Variants in GART observed in about 807,000 individuals in gnomAD.
GART encodes the protein phosphoribosylglycinamide formyltransferase, phosphoribosylglycinamide synthetase, phosphoribosylaminoimidazole synthetase, also known as trifunctional purine biosynthetic protein adenosine-3.
GART carries 43 observed loss-of-function variants against 107.2 expected under a neutral mutation model. The observed-to-expected ratio is 0.40, with a 90% CI of 0.31 to 0.52. GART has a LOEUF of 0.52. Ranked by LOEUF, GART falls within the 20% of genes least tolerant of loss-of-function variation. The pLI is 0.52. For missense variants in GART, 1,107 were observed against 1,206.5 expected (o/e 0.92, Z 1.22); for synonymous variants, 434 against 427.0 (o/e 1.02, Z -0.20).
chr21:33,539,154 C>T lies in GART; in HGVS notation c.145+17G>A, dbSNP rs750037595. The stretch of plus-strand genomic sequence containing the variant: ...AACAAATAATAACTATTACTCCCCA[C>T]TTTAAAACATGATTACCGGTATTTG... On this transcript the variant is annotated intron_variant, in intron 2 of 21. Transcript: ENST00000381815. 12 of 1,607,854 alleles carry T rather than the reference C, an allele frequency of 7.5e-6. No homozygotes were observed. Among genetic ancestry groups the T allele is most frequent in the Admixed American group, 5.1e-5 (3 of 58,478 alleles).
Position 33,532,372 on chromosome 21 carries a change from G to A in GART, c.501C>T (p.Ala167=). ...GCATGATCTCTTGTACAGCTTTGCA[G>A]GCCTCTTCTTTGCTCTTTGCAACAA... ...GVIVAKSKEE[A]CKAVQEIMQE... Residue 167 remains alanine (A), a synonymous_variant, in exon 5 of 22, where the codon GCC becomes GCT. Coordinates refer to ENST00000381815, the MANE Select transcript of GART (RefSeq NM_000819.5). The A allele has an allele frequency of 6.2e-7, 1 of 1,613,926 alleles. No individual in the cohort carries two copies. Among genetic ancestry groups the A allele is most frequent in the Non-Finnish European group, 8.5e-7 (1 of 1,179,920 alleles).
intron 11 of GART, among the ~76,000 whole-genome samples, chr21:33,523,277 T>C (rs1200579128): frequency 1.3e-5 from 2 of 152,170 alleles, no homozygotes; most frequent in Non-Finnish European, 2.9e-5. Flanking sequence ...TACAGTTGAG[T>C]GCATTGGCAG....
intron 14 of GART, 74 bp downstream of exon 14, chr21:33,520,290 T>C: frequency 1.5e-6 from 2 of 1,316,144 alleles, no homozygotes; most frequent in Admixed American, 1.7e-5. Context: ...ACATTGGCAC[T>C]GATCACATTT....
rs1246408775 is a variant in GART at position 33,533,474 on chromosome 21, A to AATAAAT, written c.417-1024_417-1019dup. ...AAATAAATAAATAAATAAAAATAAAAATAAATAAATAAATAAATAAAATAA... is the reference window on the plus strand; with the variant it reads ...AAATAAATAAATAAATAAAAATAAAAATAAATATAAATAAATAAATAAATAAAATAA... On this transcript the variant is annotated intron_variant, in intron 4 of 21. Coordinates refer to ENST00000381815, the MANE Select transcript of GART (RefSeq NM_000819.5). Among the ~76,000 whole-genome samples the AATAAAT allele has an allele frequency of 1.7e-4, 26 of 150,074 alleles. No homozygotes were observed. The East Asian group carries it at 4.4e-3, about 26-fold the overall frequency.
chr21:33,538,434 C>T (rs531383541), intron 2 of GART, among the ~76,000 whole-genome samples: 9 of 151,930 alleles, frequency 5.9e-5, no homozygotes, highest in Admixed American at 1.3e-4. Flanking sequence ...GGTCTCACTA[C>T]ATTGCCCTGG....
rs2084952743 is a variant in GART at position 33,520,509 on chromosome 21, C to T, written c.1557G>A (p.Met519Ile). 6.2e-7 allele frequency: 1 copy of T among 1,614,164 alleles called. No individual in the cohort carries two copies. The highest frequency in any genetic ancestry group is 1.7e-5 in the Admixed American group (1 of 60,026). The change falls in exon 14 of 22, where the codon ATG becomes ATA. Residue 519 changes from methionine (M) to isoleucine (I), a missense_variant. By Grantham distance (10) the Met-to-Ile change is conservative (BLOSUM62 1). Coordinates refer to ENST00000381815, the MANE Select transcript of GART (RefSeq NM_000819.5). ...CTTGTGCCAGAATATCATTAACACA[C>T]ATTGCTACCAAATCTTGACCAATGG... Reference protein sequence around the residue: ...HDTIGQDLVAMCVNDILAQGA... With the variant: ...HDTIGQDLVAICVNDILAQGA...
At chr21:33,525,074 C>A (rs1339535062) in intron 10 of GART, 74 bp from the exon 11 acceptor site, 27 of 1,479,036 alleles carry the variant, frequency 1.8e-5, no homozygotes, top group Middle Eastern at 3.6e-4. Flanking sequence ...TTTACGATTT[C>A]CACAAGTTTC....
chr21:33,530,910 T>G, intron 6 of GART, 26 bp from the exon 7 acceptor site: 1 of 1,507,658 alleles, frequency 6.6e-7, no homozygotes, highest in Non-Finnish European at 8.8e-7. Flanking sequence ...AATAGTCCAT[T>G]TATGTTAACT....
At chr21:33,507,694 T>G (rs1293497614) in intron 18 of GART, among the ~76,000 whole-genome samples, 1 of 152,058 alleles carries the variant, frequency 6.6e-6, no homozygotes, top group African/African-American at 2.4e-5. Context: ...TAGCCAGGCA[T>G]AGTGGCAGGT....
chr21:33,519,549 G>GT (rs1217100717), intron 14 of GART, among the ~76,000 whole-genome samples: 155 of 132,652 alleles, frequency 1.2e-3, no homozygotes, highest in African/African-American at 4.1e-3. Context: ...GCAAGACTCT[G>GT]TTTAAAAAAA....
Position 33,530,873 on chromosome 21 carries a change from G to A in GART, c.609C>T (p.Phe203=). The A allele has an allele frequency of 7.9e-6, 12 of 1,521,346 alleles. No individual in the cohort carries two copies. The highest frequency in any genetic ancestry group is 1.0e-5 in the Non-Finnish European group (12 of 1,147,016). The allele number at this position is 1,521,346 out of a possible 1,614,324, so 94.2% of individuals were successfully genotyped here. A position where few individuals can be genotyped will look rare whatever the true frequency, so the allele number is the denominator to read the frequency against. Residue 203 remains phenylalanine, a synonymous_variant, in exon 7 of 22, where the codon TTC becomes TTT. Transcript: ENST00000381815. The part of the protein sequence containing the change: ...LDGEEVSCLC[F]TDGKTVAPMP... ...TGGGGGCCACAGTCTTGCCATCAGTGAAACACAGACACTATAAAGAAAACA... is the reference window on the plus strand; with the variant it reads ...TGGGGGCCACAGTCTTGCCATCAGTAAAACACAGACACTATAAAGAAAACA...
Position 33,504,088 on chromosome 21 carries a change from C to A in GART, c.*36G>T. On this transcript the variant is annotated 3_prime_UTR_variant, in exon 22 of 22. Coordinates refer to ENST00000381815, the MANE Select transcript of GART (RefSeq NM_000819.5). Reference sequence around the variant, plus strand: ...ACCACCATGCAAACAGCAAATAATTCTTTCTAAACTGGCCCCATTTCTGAA... The same window carrying A: ...ACCACCATGCAAACAGCAAATAATTATTTCTAAACTGGCCCCATTTCTGAA... 1.3e-6 allele frequency: 2 copies of A among 1,542,834 alleles called. No individual in the cohort carries two copies. Among genetic ancestry groups the A allele is most frequent in the Non-Finnish European group, 1.7e-6 (2 of 1,143,040 alleles).
chr21:33,517,190 CA>C, intron 15 of GART, 49 bp from the exon 16 acceptor site: 1 of 1,571,766 alleles, frequency 6.4e-7, no homozygotes, highest in Non-Finnish European at 8.6e-7. Context: ...AATAGAAAAC[CA>C]AAACATAAAA....
At chr21:33,507,221 A>C (rs1265273469) in intron 18 of GART, among the ~76,000 whole-genome samples, 1 of 152,240 alleles carries the variant, frequency 6.6e-6, no homozygotes, top group Non-Finnish European at 1.5e-5. Context: ...CAGCCATAAA[A>C]AAGATGAGAT....
At chr21:33,518,952 C>T in intron 14 of GART, 1 of 429,312 alleles carries the variant, frequency 2.3e-6, no homozygotes, top group Non-Finnish European at 4.6e-6. Context: ...TAAAGTGGAT[C>T]TCTGGTCTTC....
At chr21:33,511,024 T>C (rs940324397) in intron 17 of GART, among the ~76,000 whole-genome samples, 10 of 151,974 alleles carry the variant, frequency 6.6e-5, no homozygotes, top group Admixed American at 4.6e-4. Flanking sequence ...TGGGAAGCGA[T>C]CCTGTGGGGT....
At chr21:33,521,402 C>T (rs897726853) in intron 12 of GART, among the ~76,000 whole-genome samples, 3 of 151,128 alleles carry the variant, frequency 2.0e-5, no homozygotes, top group African/African-American at 7.3e-5. Flanking sequence ...GAGGCCGAGG[C>T]GGGTGGATCA....
chr21:33,535,340 A>AG lies in GART; in HGVS notation c.146-21_146-20insC. ...AGATGGCTGTAAACAGAAAAAAAAA[A>AG]AAAAAAACCACTGCATTTACAAAAA... On this transcript the variant is annotated intron_variant, in intron 2 of 21. Coordinates refer to ENST00000381815, the MANE Select transcript of GART (RefSeq NM_000819.5). The AG allele has an allele frequency of 7.0e-7, 1 of 1,427,170 alleles. No individual in the cohort carries two copies. The allele number at this position is 1,427,170 out of a possible 1,614,324, so 88.4% of individuals were successfully genotyped here. A position where few individuals can be genotyped will look rare whatever the true frequency, so the allele number is the denominator to read the frequency against.
intron 11 of GART, among the ~76,000 whole-genome samples, chr21:33,523,607 T>A (rs1330508561): frequency 6.6e-6 from 1 of 152,168 alleles, no homozygotes; most frequent in Admixed American, 6.5e-5. Flanking sequence ...GGTAAAAAAA[T>A]TTTGTCTTAA....
Sources: allele counts gnomAD v4.1 joint callset (sites outside exome capture counted in the v4.1 genomes callset), GRCh38; gene constraint gnomAD v4.1.1; transcripts MANE v1.5; gene names NCBI Gene and HGNC (gene_info 2026-07-23, HGNC 2026-07-21).